Variants in PPARGC1A observed in about 807,000 individuals in gnomAD.
The protein encoded by PPARGC1A is PPARG coactivator 1 alpha.
PPARGC1A carries 25 observed loss-of-function variants against 88.7 expected under a neutral mutation model. The ratio of observed to expected loss-of-function variants is 0.28; its 90% CI spans 0.21 to 0.39. The LOEUF (loss-of-function observed/expected upper bound fraction) is 0.39, where lower values mean the gene tolerates loss of function less well. PPARGC1A is among the 10% of genes least tolerant of loss of function. The probability of loss-of-function intolerance (pLI) is 1.00; values close to 1 mark genes in which losing one functional copy is unlikely to be tolerated. For synonymous variants in PPARGC1A, 363 were observed against 355.6 expected (o/e 1.02, Z -0.24); for missense variants, 880 against 968.7 (o/e 0.91, Z 1.22).
chr4:23,853,977 C>A (rs1164096212), intron 2 of PPARGC1A, among the ~76,000 whole-genome samples: 2 of 152,132 alleles, frequency 1.3e-5, no homozygotes, highest in South Asian at 2.1e-4. Flanking sequence ...TGATAAAATA[C>A]CTGCCTCACA....
At chr4:24,367,773 A>C in the PPARGC1A span, among the ~76,000 whole-genome samples, 1 of 152,194 alleles carries the variant, frequency 6.6e-6, no homozygotes. Flanking sequence ...AAAAATAATA[A>C]TAAGGCAAAC....
the PPARGC1A span, among the ~76,000 whole-genome samples, chr4:24,252,417 T>C: frequency 6.6e-6 from 1 of 152,222 alleles, no homozygotes; most frequent in African/African-American, 2.4e-5. Context: ...CTGCCTTTCG[T>C]GGTTTTTCTG....
the PPARGC1A span, among the ~76,000 whole-genome samples, chr4:24,230,073 G>A: frequency 9.9e-5 from 15 of 152,186 alleles, no homozygotes; most frequent in South Asian, 4.1e-4. Flanking sequence ...TTCTAACCCC[G>A]TTTTCAAATG....
At chr4:23,982,881 C>T in the PPARGC1A span, among the ~76,000 whole-genome samples, 3 of 151,996 alleles carry the variant, frequency 2.0e-5, no homozygotes, top group Non-Finnish European at 4.4e-5. Flanking sequence ...TTATCTTTAA[C>T]GAAGTTTGGC....
chr4:24,280,143 G>A, the PPARGC1A span, among the ~76,000 whole-genome samples: 1 of 152,104 alleles, frequency 6.6e-6, no homozygotes, highest in African/African-American at 2.4e-5. Flanking sequence ...CAGTGGAAGC[G>A]TCCCTTCTCA....
the PPARGC1A span, among the ~76,000 whole-genome samples, chr4:24,373,597 G>A: frequency 6.6e-6 from 1 of 152,152 alleles, no homozygotes; most frequent in Non-Finnish European, 1.5e-5. Flanking sequence ...AAATTGAAAG[G>A]AAGAAATGAG....
chr4:23,877,151 TCTCA>T (rs1714865528), intron 2 of PPARGC1A, among the ~76,000 whole-genome samples: 1 of 152,076 alleles, frequency 6.6e-6, no homozygotes, highest in Admixed American at 6.5e-5. Context: ...TTTTCCCTGC[TCTCA>T]TTCTAGCTAC....
chr4:24,365,222 C>T, the PPARGC1A span, among the ~76,000 whole-genome samples: 3 of 151,186 alleles, frequency 2.0e-5, no homozygotes, highest in Non-Finnish European at 2.9e-5. Context: ...GACTATAAAG[C>T]CTATCATGAA....
chr4:24,191,236 A>G, the PPARGC1A span, among the ~76,000 whole-genome samples: 1 of 152,200 alleles, frequency 6.6e-6, no homozygotes, highest in African/African-American at 2.4e-5. Flanking sequence ...TTGGACGTGA[A>G]TGAGGAAAGA....
the PPARGC1A span, among the ~76,000 whole-genome samples, chr4:24,035,921 C>T: frequency 1.3e-5 from 2 of 152,176 alleles, no homozygotes; most frequent in Admixed American, 1.3e-4. Flanking sequence ...TATGAGTAAA[C>T]GATGTTAAAT....
chr4:24,296,834 A>C, the PPARGC1A span, among the ~76,000 whole-genome samples: 2 of 152,166 alleles, frequency 1.3e-5, no homozygotes, highest in Non-Finnish European at 2.9e-5. Flanking sequence ...CCAAGGTCAC[A>C]CAGCTGGTAA....
the PPARGC1A span, among the ~76,000 whole-genome samples, chr4:24,298,337 A>G: frequency 5.3e-5 from 8 of 152,302 alleles, no homozygotes; most frequent in African/African-American, 9.6e-5. Flanking sequence ...ACTTATTACT[A>G]TGTAACCTCG....
the PPARGC1A span, among the ~76,000 whole-genome samples, chr4:24,015,753 C>T: frequency 1.3e-5 from 2 of 152,190 alleles, no homozygotes; most frequent in East Asian, 1.9e-4. Context: ...ACAGACAGTA[C>T]ATATGACTTG....
chr4:24,311,131 GCT>G, the PPARGC1A span, among the ~76,000 whole-genome samples: 1 of 96,240 alleles, frequency 1.0e-5, no homozygotes, highest in Non-Finnish European at 1.8e-5. Context: ...ACAGAGTCTT[GCT>G]CTGTCACCCA....
chr4:24,165,068 A>T, the PPARGC1A span, among the ~76,000 whole-genome samples: 41 of 152,196 alleles, frequency 2.7e-4, no homozygotes, highest in African/African-American at 9.4e-4. Flanking sequence ...ACTCCTTTAT[A>T]ACTCTCTCAA....
At chr4:24,212,955 T>G in the PPARGC1A span, among the ~76,000 whole-genome samples, 1 of 152,152 alleles carries the variant, frequency 6.6e-6, no homozygotes, top group Non-Finnish European at 1.5e-5. Context: ...AGGACAGCAG[T>G]GATTAGAGAC....
intron 6 of PPARGC1A, 38 bp downstream of exon 6, chr4:23,824,425 T>C (rs1342765598): frequency 6.2e-7 from 1 of 1,605,118 alleles, no homozygotes. Flanking sequence ...TAGAACCCCC[T>C]TCCCTTTCAG....
intron 8 of PPARGC1A, 102 bp downstream of exon 8, chr4:23,813,588 G>A (rs1560350248): frequency 5.5e-6 from 6 of 1,085,628 alleles, no homozygotes; most frequent in Admixed American, 2.9e-5. Context: ...CAGTGGTCAG[G>A]GGCCAGAATG....
intron 10 of PPARGC1A, among the ~76,000 whole-genome samples, chr4:23,808,122 A>G (rs1720190950): frequency 6.6e-6 from 1 of 151,806 alleles, no homozygotes; most frequent in African/African-American, 2.4e-5. Context: ...GTGGTGGTGG[A>G]TACCTGTAGT....
Sources: allele counts gnomAD v4.1 joint callset (sites outside exome capture counted in the v4.1 genomes callset), GRCh38; gene constraint gnomAD v4.1.1; transcripts MANE v1.5; gene names NCBI Gene and HGNC (gene_info 2026-07-23, HGNC 2026-07-21).